The following TTLL8 variants were observed in gnomAD, a reference collection of about 807,000 sequenced individuals.
The protein encoded by TTLL8 is protein monoglycylase TTLL8.
In TTLL8, 65 loss-of-function variants were observed where a neutral mutation model predicts 77.8. The ratio of observed to expected loss-of-function variants is 0.84; its 90% CI spans 0.68 to 1.03. The LOEUF is 1.03. TTLL8 is among the 50% of genes least tolerant of loss of function. The pLI, the probability that TTLL8 is intolerant of heterozygous loss-of-function variation, is 0.00. For missense variants in TTLL8, 910 were observed against 1,004.5 expected, an observed-to-expected ratio of 0.91 and a Z score of 1.27; for synonymous variants, 402 against 422.8, an observed-to-expected ratio of 0.95 and a Z score of 0.60.
chr22:50,048,544 G>C (rs1423170239), intron 3 of TTLL8, among the ~76,000 whole-genome samples: 1 of 152,118 alleles, frequency 6.6e-6, no homozygotes, highest in East Asian at 1.9e-4. Context: ...ATGTTCTGAT[G>C]TGTCCACACC....
intron 1 of TTLL8, among the ~76,000 whole-genome samples, chr22:50,053,148 G>A (rs1350725063): frequency 2.0e-5 from 3 of 150,012 alleles, no homozygotes; most frequent in African/African-American, 5.0e-5. Flanking sequence ...CTTGAACCTG[G>A]AAGGCAAAGG....
intron 1 of TTLL8, among the ~76,000 whole-genome samples, chr22:50,052,219 C>T (rs750333050): frequency 2.6e-5 from 4 of 152,274 alleles, no homozygotes; most frequent in East Asian, 3.9e-4. Flanking sequence ...TTGGGGAGAA[C>T]GGTGGGGGAG....
rs7289334 is a variant in TTLL8, at chr22:50,044,448, C to T, written c.643+807G>A. Among the ~76,000 whole-genome samples the T allele has an allele frequency of 1.5e-3, 227 of 152,324 alleles. No homozygotes were observed. Among genetic ancestry groups the T allele is most frequent in the African/African-American group, 5.3e-3 (219 of 41,576 alleles). On this transcript the variant is annotated intron_variant, in intron 6 of 13. Transcript: ENST00000266182. This position sits in a 1 kb window ranked among gnomAD's most constrained non-coding sequence, Gnocchi z 4.2. Reference sequence around the variant, plus strand: ...GTAAGCACAGCCAATCACAGGCAGCCAGCTGGGAACAAGTTCTCACTCAGC... The same window carrying T: ...GTAAGCACAGCCAATCACAGGCAGCTAGCTGGGAACAAGTTCTCACTCAGC...
Position 50,035,550 on chromosome 22 carries a change from C to T in TTLL8, c.922-1088G>A, listed in dbSNP as rs576365872. Among the ~76,000 whole-genome samples the T allele has an allele frequency of 1.2e-4, 19 of 152,328 alleles. No individual in the cohort carries two copies. In the South Asian group the frequency reaches 2.1e-3, roughly 17 times the overall value. On this transcript the variant is annotated intron_variant, in intron 8 of 13. Coordinates refer to ENST00000266182, the Ensembl canonical transcript of TTLL8. Reference sequence around the variant, plus strand: ...CTCTCACCGGCTGCCACGCCTCCTCCGTGGTGAGCGCCGAGCACTCCTGAC... The same window carrying T: ...CTCTCACCGGCTGCCACGCCTCCTCTGTGGTGAGCGCCGAGCACTCCTGAC...
At chr22:50,054,964 G>A (rs2061463144), upstream of TTLL8, among the ~76,000 whole-genome samples, 1 of 152,164 alleles carries the variant, frequency 6.6e-6, no homozygotes, top group Non-Finnish European at 1.5e-5. Flanking sequence ...GGAGGCTGAG[G>A]CACAAGAATT....
rs998698457 is a variant in TTLL8 at position 50,034,795 on chromosome 22, G to A, written c.922-333C>T. Among the ~76,000 whole-genome samples the A allele has an allele frequency of 3.3e-5, 5 of 152,190 alleles. No homozygotes were observed. Among genetic ancestry groups the A allele is most frequent in the African/African-American group, 9.6e-5 (4 of 41,458 alleles). ...GGTGGAAATGGTGGGATGCACGGGT[G>A]GGGGTGGGGAGATGCAGCCACGCGG... is the stretch of plus-strand genomic sequence containing the variant. On this transcript the variant is annotated intron_variant, in intron 8 of 13. Coordinates refer to ENST00000266182, the Ensembl canonical transcript of TTLL8. The surrounding 1 kb of genome is among the most constrained non-coding windows in gnomAD (Gnocchi z 4.1).
Position 50,047,155 on chromosome 22 carries a change from G to A in TTLL8, c.393+13C>T, listed in dbSNP as rs369103099. ...TTGCCGGCTCCCGCCACGCTCAAGC[G>A]CGGCCGGCTCACCTTGGTGGTGAAG... On this transcript the variant is annotated intron_variant, in intron 4 of 13. Coordinates refer to ENST00000266182, the Ensembl canonical transcript of TTLL8. The A allele has an allele frequency of 3.0e-4, 405 of 1,366,998 alleles. 1 individual carries two copies. Among genetic ancestry groups the A allele is most frequent in the Non-Finnish European group, 3.6e-4 (372 of 1,021,610 alleles). The allele number at this position is 1,366,998 out of a possible 1,614,324, so 84.7% of individuals were successfully genotyped here.
chr22:50,053,763 G>T (rs372335057), intron 1 of TTLL8, among the ~76,000 whole-genome samples: 3 of 152,180 alleles, frequency 2.0e-5, no homozygotes, highest in Admixed American at 6.5e-5. Context: ...ACTCCTGAGG[G>T]TGATGAAATG....
intron 9 of TTLL8, 148 bp from the exon 11 acceptor site, chr22:50,033,593 A>AT: frequency 1.6e-6 from 1 of 639,986 alleles, no homozygotes; most frequent in Non-Finnish European, 2.4e-6. Flanking sequence ...GGTGGGGGCG[A>AT]TGGGGGAGCA....
intron 12 of TTLL8, among the ~76,000 whole-genome samples, chr22:50,024,652 A>G (rs1328219324): frequency 3.3e-5 from 5 of 152,246 alleles, no homozygotes; most frequent in Non-Finnish European, 1.5e-5. Flanking sequence ...ATTGCAATTC[A>G]GGGCATATAC....
In TTLL8 at chr22:50,023,915, G is replaced by A. The variant is rs2061218214; in HGVS notation, c.2203+6515C>T. ...GGCACCTGTAATCCCAGCTACTTGGGAGGCTGGGGCAGGAGAATCACTTGA... is the reference window on the plus strand; with the variant it reads ...GGCACCTGTAATCCCAGCTACTTGGAAGGCTGGGGCAGGAGAATCACTTGA... On this transcript the variant is annotated intron_variant, in intron 12 of 13. Coordinates refer to ENST00000266182, the Ensembl canonical transcript of TTLL8. 2.0e-5 allele frequency among the ~76,000 whole-genome samples: 3 copies of A among 152,056 alleles called. No individual in the cohort carries two copies. In the South Asian group the frequency reaches 6.2e-4, roughly 32 times the overall value.
At chr22:50,047,965 C>T (rs558532451) in intron 3 of TTLL8, among the ~76,000 whole-genome samples, 2 of 152,152 alleles carry the variant, frequency 1.3e-5, no homozygotes, top group East Asian at 1.9e-4. Flanking sequence ...GGCGTGGTGG[C>T]GGGCGCCTGT....
intron 12 of TTLL8, among the ~76,000 whole-genome samples, chr22:50,029,580 A>C (rs1417397972): frequency 6.6e-6 from 1 of 150,568 alleles, no homozygotes; most frequent in African/African-American, 2.5e-5. Context: ...CTCTACTAAA[A>C]ATTAGCCGGG....
rs80098710 is a variant in TTLL8 at position 50,050,213 on chromosome 22, G to A, written c.86C>T (p.Pro29Leu). Residue 29 changes from proline to leucine, a missense_variant, in exon 2 of 14, where the codon CCG becomes CTG. Around this residue, in one of 2 missense-constraint regions of TTLL8, gnomAD observed 776 missense variants for 926.1 expected, o/e 0.84. Transcript: ENST00000266182. ...CCTTCGCAGAGCGGCCCGGACCACC[G>A]GGTAGTGTCCGTAGATAGAGAAAAT... 2.0e-4 allele frequency: 270 copies of A among 1,355,212 alleles called. 3 individuals are homozygous for A. The East Asian group carries it at 0.01, about 52-fold the overall frequency. The allele number at this position is 1,355,212 out of a possible 1,614,324, so 83.9% of individuals were successfully genotyped here. A position where few individuals can be genotyped will look rare whatever the true frequency, so the allele number is the denominator to read the frequency against.
intron 10 of TTLL8, 93 bp downstream of exon 11, chr22:50,033,109 C>G: frequency 8.0e-7 from 1 of 1,244,102 alleles, no homozygotes; most frequent in South Asian, 1.4e-5. Flanking sequence ...TGAGGGGGCC[C>G]TGCCCGTGCT....
At chr22:50,049,714 G>A (rs940688265) in intron 2 of TTLL8, among the ~76,000 whole-genome samples, 2 of 152,156 alleles carry the variant, frequency 1.3e-5, no homozygotes, top group African/African-American at 4.8e-5. Flanking sequence ...TCTCAATGGG[G>A]CCAAGAGGAT....
chr22:50,054,808 A>G (rs143958334), upstream of TTLL8, among the ~76,000 whole-genome samples: 508 of 152,330 alleles, frequency 3.3e-3, 3 homozygotes, highest in African/African-American at 0.011. Flanking sequence ...CTGTAATCCC[A>G]GTATTTTGGG....
At chr22:50,032,058 C>G in exon 11 of TTLL8, 3 of 1,365,308 alleles carry the variant, frequency 2.2e-6, no homozygotes, top group Non-Finnish European at 2.9e-6. Context: ...GGCTGCGGCC[C>G]ACATCATTCT....
At chr22:50,049,387 G>A (rs556901517) in intron 2 of TTLL8, 65 bp from the exon 5 acceptor site, 23 of 1,358,758 alleles carry the variant, frequency 1.7e-5, no homozygotes, top group Admixed American at 1.1e-4. Flanking sequence ...CACCGGGTCC[G>A]TTACCACAAC....
Sources: allele counts gnomAD v4.1 joint callset (sites outside exome capture counted in the v4.1 genomes callset), GRCh38; gene constraint gnomAD v4.1.1; regional missense constraint gnomAD v4.1.1; non-coding constraint Gnocchi (gnomAD v3.1); transcripts MANE v1.5; gene names NCBI Gene and HGNC (gene_info 2026-07-23, HGNC 2026-07-21).